DTWD2: variants seen among roughly 807,000 people sequenced by gnomAD.
The protein encoded by DTWD2 is tRNA-uridine aminocarboxypropyltransferase 2.
In DTWD2, 39 loss-of-function variants were observed where a neutral mutation model predicts 31.8. That is an observed-to-expected ratio of 1.22 (90% CI 0.95 to 1.60). DTWD2 has a LOEUF of 1.60. DTWD2 is among the 40% of genes most tolerant of loss of function. The pLI, the probability that DTWD2 is intolerant of heterozygous loss-of-function variation, is 0.00. For missense variants in DTWD2, 515 were observed against 381.5 expected (o/e 1.35, Z -2.92); for synonymous variants, 180 against 142.8 (o/e 1.26, Z -1.86).
chr5:118,925,940 A>G (rs1319089509), intron 4 of DTWD2, among the ~76,000 whole-genome samples: 1 of 151,690 alleles, frequency 6.6e-6, no homozygotes, highest in Non-Finnish European at 1.5e-5. Flanking sequence ...ATATGAAAAA[A>G]ACACATAAAC....
chr5:118,954,902 A>C (rs1482925462), intron 1 of DTWD2, among the ~76,000 whole-genome samples: 1 of 152,018 alleles, frequency 6.6e-6, no homozygotes, highest in Admixed American at 6.5e-5. Flanking sequence ...CCCATTCGTT[A>C]ATTTTTTTTT....
At chr5:118,858,679 C>T (rs1439415191) in intron 4 of DTWD2, among the ~76,000 whole-genome samples, 1 of 152,098 alleles carries the variant, frequency 6.6e-6, no homozygotes, top group South Asian at 2.1e-4. Flanking sequence ...AAATTACAAA[C>T]TTCTTGCTAT....
At chr5:118,943,303 G>A (rs770786047) in intron 2 of DTWD2, among the ~76,000 whole-genome samples, 5 of 152,160 alleles carry the variant, frequency 3.3e-5, no homozygotes, top group Non-Finnish European at 4.4e-5. Context: ...TGTAATCCCA[G>A]CACTTTGGGA....
chr5:118,923,287 C>T (rs1279867324), intron 4 of DTWD2, among the ~76,000 whole-genome samples: 1 of 152,154 alleles, frequency 6.6e-6, no homozygotes, highest in Non-Finnish European at 1.5e-5. Flanking sequence ...AATTTGGCAG[C>T]CCATTCAGGG....
chr5:118,928,690 T>A lies in DTWD2; in HGVS notation c.444A>T (p.Thr148=). Reference sequence around the variant, plus strand: ...CTTCAGCCCCTGGATATAATATTAATGTACCAGACTTCCGGCAAACAGTTG... The same window carrying A: ...CTTCAGCCCCTGGATATAATATTAAAGTACCAGACTTCCGGCAAACAGTTG... ...ELSTVCRKSG[T]LILYPGAEAA... The change falls in exon 4 of 6, where the codon ACA becomes ACT. Residue 148 remains threonine (T), a synonymous_variant. Coordinates refer to ENST00000510708, the MANE Select transcript of DTWD2 (RefSeq NM_173666.4). The A allele has an allele frequency of 6.3e-7, 1 of 1,582,616 alleles. No individual in the cohort carries two copies. The highest frequency in any genetic ancestry group is 8.6e-7 in the Non-Finnish European group (1 of 1,165,792).
intron 4 of DTWD2, among the ~76,000 whole-genome samples, chr5:118,884,254 C>T (rs1752806140): frequency 6.6e-6 from 1 of 152,184 alleles, no homozygotes; most frequent in Non-Finnish European, 1.5e-5. Flanking sequence ...TTCAAAAACT[C>T]ACCCACAGAA....
chr5:118,867,682 T>C (rs1040501434), intron 4 of DTWD2, among the ~76,000 whole-genome samples: 33 of 152,294 alleles, frequency 2.2e-4, no homozygotes, highest in Non-Finnish European at 4.1e-4. Flanking sequence ...AATGTCTTAA[T>C]TGATAGAAAA....
At chr5:118,918,333 T>A (rs1424990892) in intron 4 of DTWD2, among the ~76,000 whole-genome samples, 1 of 151,856 alleles carries the variant, frequency 6.6e-6, no homozygotes, top group Non-Finnish European at 1.5e-5. Flanking sequence ...GGTTTTTTTT[T>A]ATTTTTTTTT....
chr5:118,977,326 G>A (rs777583465), intron 1 of DTWD2, among the ~76,000 whole-genome samples: 3 of 152,198 alleles, frequency 2.0e-5, no homozygotes, highest in Non-Finnish European at 4.4e-5. Flanking sequence ...AGTATTGGAA[G>A]TTCTGGTCAG....
In DTWD2 at chr5:118,840,706, G is replaced by C. The variant is rs1451672087; in HGVS notation, c.*211C>G. On this transcript the variant is annotated 3_prime_UTR_variant, in exon 6 of 6. Transcript: ENST00000510708. ...ATTAGAGGCACATTTTTAAAAACAA[G>C]TACAGTAGGAAATCCTGCTTTTCAG... 9 of 431,476 alleles carry C rather than the reference G, an allele frequency of 2.1e-5. No individual in the cohort carries two copies. The highest frequency in any genetic ancestry group is 3.0e-5 in the Non-Finnish European group (8 of 263,436). The allele number at this position is 431,476 out of a possible 1,614,324, so 26.7% of individuals were successfully genotyped here.
chr5:118,914,278 G>A (rs1197618638), intron 4 of DTWD2, among the ~76,000 whole-genome samples: 2 of 152,150 alleles, frequency 1.3e-5, no homozygotes, highest in Non-Finnish European at 2.9e-5. Flanking sequence ...CTCTAGGAGT[G>A]CGTTCTTTCT....
intron 2 of DTWD2, among the ~76,000 whole-genome samples, chr5:118,943,520 C>A (rs1375251383): frequency 6.7e-6 from 1 of 149,274 alleles, no homozygotes; most frequent in African/African-American, 2.5e-5. Flanking sequence ...CACTGCACTC[C>A]TGCTTGGGCA....
In DTWD2 at chr5:118,941,888, A is replaced by G. The variant is rs1235689777; in HGVS notation, c.310-2598T>C. Among the ~76,000 whole-genome samples the G allele has an allele frequency of 4.6e-5, 7 of 152,238 alleles. No homozygotes were observed. In the East Asian group the frequency reaches 1.4e-3, roughly 29 times the overall value. On this transcript the variant is annotated intron_variant, in intron 2 of 5. Transcript: ENST00000510708. Reference sequence around the variant, plus strand: ...TCGCCATTCTAACTGGTGTGAGATGATATCTCATTGTGGTTTTGATTTGCA... The same window carrying G: ...TCGCCATTCTAACTGGTGTGAGATGGTATCTCATTGTGGTTTTGATTTGCA...
intron 4 of DTWD2, among the ~76,000 whole-genome samples, chr5:118,898,592 G>C (rs1404734964): frequency 1.3e-5 from 2 of 149,352 alleles, no homozygotes; most frequent in African/African-American, 5.0e-5. Context: ...CTGGGAGGCG[G>C]AGGTTGCAGT....
intron 5 of DTWD2, among the ~76,000 whole-genome samples, chr5:118,847,336 T>A (rs1207951189): frequency 3.3e-5 from 5 of 152,164 alleles, no homozygotes; most frequent in Admixed American, 3.3e-4. Context: ...AAATCCCTTT[T>A]AGTTGTGCTC....
At chr5:118,964,461 C>T (rs1382108576) in intron 1 of DTWD2, among the ~76,000 whole-genome samples, 2 of 152,104 alleles carry the variant, frequency 1.3e-5, no homozygotes, top group Non-Finnish European at 2.9e-5. Flanking sequence ...CTGTCTCCCT[C>T]TCTATCCACG....
chr5:118,880,702 A>G (rs1752722098), intron 4 of DTWD2, among the ~76,000 whole-genome samples: 1 of 152,160 alleles, frequency 6.6e-6, no homozygotes, highest in Non-Finnish European at 1.5e-5. Flanking sequence ...ACATATAAAA[A>G]TAATATTATC....
intron 4 of DTWD2, among the ~76,000 whole-genome samples, chr5:118,877,076 T>C (rs1752637172): frequency 6.6e-6 from 1 of 152,188 alleles, no homozygotes; most frequent in Admixed American, 6.5e-5. Flanking sequence ...GTTCAACACA[T>C]GCAAATCAAT....
intron 4 of DTWD2, among the ~76,000 whole-genome samples, chr5:118,878,778 G>A (rs4634381): frequency 0.27 from 40,337 of 151,576 alleles, 9,733 homozygotes; most frequent in African/African-American, 0.65. Context: ...AAAAAGGAAT[G>A]CTATCTATTA....
Sources: allele counts gnomAD v4.1 joint callset (sites outside exome capture counted in the v4.1 genomes callset), GRCh38; gene constraint gnomAD v4.1.1; transcripts MANE v1.5; gene names NCBI Gene and HGNC (gene_info 2026-07-23, HGNC 2026-07-21).